ZSWIM1: variants seen among roughly 807,000 people sequenced by gnomAD.
The protein encoded by ZSWIM1 is zinc finger SWIM-type containing 1.
Under a neutral mutation model 29.3 loss-of-function variants are expected in ZSWIM1, and 22 were observed. The ratio of observed to expected loss-of-function variants is 0.75; its 90% CI spans 0.54 to 1.07. The LOEUF (loss-of-function observed/expected upper bound fraction) is 1.07. Ranked by LOEUF, ZSWIM1 falls within the 50% of genes least tolerant of loss-of-function variation. ZSWIM1 has a pLI of 0.00. For missense variants in ZSWIM1, 511 were observed against 596.2 expected (o/e 0.86, Z 1.49); for synonymous variants, 228 against 240.8 (o/e 0.95, Z 0.49).
intron 1 of ZSWIM1, among the ~76,000 whole-genome samples, chr20:45,881,738 C>T (rs1226253384): frequency 6.6e-6 from 1 of 152,158 alleles, no homozygotes; most frequent in Non-Finnish European, 1.5e-5. Context: ...CATTGACTTG[C>T]CCAAGATAAC....
Position 45,884,086 on chromosome 20 carries a change from GCACACTCACATCCACCCATACACA to G in ZSWIM1, c.*42_*65del, listed in dbSNP as rs1283210311. 6.4e-7 allele frequency: 1 copy of G among 1,570,786 alleles called. No homozygotes were observed. Among genetic ancestry groups the G allele is most frequent in the Non-Finnish European group, 8.6e-7 (1 of 1,157,712 alleles). On this transcript the variant is annotated 3_prime_UTR_variant, in exon 2 of 2. Coordinates refer to ENST00000372523, the MANE Select transcript of ZSWIM1 (RefSeq NM_080603.5). ...TGCCCAGAGATGCTCATGCACCTGTGCACACTCACATCCACCCATACACACACACACACACACACACACACACAC... is the reference window on the plus strand; with the variant it reads ...TGCCCAGAGATGCTCATGCACCTGTGCACACACACACACACACACACACAC...
rs1986401693 is a variant in ZSWIM1, at chr20:45,884,137, C to T, written c.*87C>T. The T allele has an allele frequency of 1.4e-6, 2 of 1,450,934 alleles. No individual in the cohort carries two copies. Among genetic ancestry groups the T allele is most frequent in the Non-Finnish European group, 1.9e-6 (2 of 1,072,186 alleles). 89.9% of individuals were successfully genotyped at this position (1,450,934 alleles called of 1,614,324 possible). On this transcript the variant is annotated 3_prime_UTR_variant, in exon 2 of 2. Transcript: ENST00000372523. ...ACACACACACACACACACACACACA[C>T]ACACACTCCCTTACACTGTTGTACT...
chr20:45,884,102 C>CCCTA lies in ZSWIM1; in HGVS notation c.*53_*54insCTAC. ...TGCACCTGTGCACACTCACATCCACCCATACACACACACACACACACACAC... is the reference window on the plus strand; with the variant it reads ...TGCACCTGTGCACACTCACATCCACCCCTACATACACACACACACACACACACAC... On this transcript the variant is annotated 3_prime_UTR_variant, in exon 2 of 2. Transcript: ENST00000372523. The CCCTA allele has an allele frequency of 7.8e-7, 1 of 1,274,438 alleles. No individual in the cohort carries two copies. Among genetic ancestry groups the CCCTA allele is most frequent in the Admixed American group, 1.9e-5 (1 of 51,520 alleles). 78.9% of individuals were successfully genotyped at this position (1,274,438 alleles called of 1,614,324 possible).
rs1986302367 is a variant in ZSWIM1 at position 45,882,650 on chromosome 20, C to T, written c.58C>T (p.Leu20Phe). ...TGCCCTGCAAAGAAAGTATTTTGAC[C>T]TTGGCATTTGGACAGCTCCCATCTC... ...SAALQRKYFDLGIWTAPISPM... is the reference protein window; with the variant it reads ...SAALQRKYFDFGIWTAPISPM... Residue 20 changes from leucine to phenylalanine, a missense_variant, in exon 2 of 2, where the codon CTT becomes TTT. Leu to Phe is a conservative substitution (Grantham distance 22, BLOSUM62 0). Transcript: ENST00000372523. The T allele has an allele frequency of 6.2e-7, 1 of 1,614,048 alleles. No homozygotes were observed.
Position 45,883,986 on chromosome 20 carries a change from G to T in ZSWIM1, c.1394G>T (p.Arg465Met). The change falls in exon 2 of 2, where the codon AGG (arginine) becomes ATG (methionine). Residue 465 changes from arginine to methionine, a missense_variant. Transcript: ENST00000372523. ...QHCTKEEFERRYSTLRELADS... is the reference protein window; with the variant it reads ...QHCTKEEFERMYSTLRELADS... Reference sequence around the variant, plus strand: ...TGCACCAAGGAGGAGTTTGAGCGGAGGTATAGCACCCTGCGGGAACTGGCC... The same window carrying T: ...TGCACCAAGGAGGAGTTTGAGCGGATGTATAGCACCCTGCGGGAACTGGCC... 5 of 1,614,146 alleles carry T rather than the reference G, an allele frequency of 3.1e-6. No homozygotes were observed. Among genetic ancestry groups the T allele is most frequent in the Non-Finnish European group, 4.2e-6 (5 of 1,180,012 alleles).
upstream of ZSWIM1, chr20:45,881,180 G>C (rs1219725497): frequency 6.6e-6 from 1 of 152,506 alleles, no homozygotes; most frequent in Non-Finnish European, 1.5e-5. Flanking sequence ...CGATGCTGAC[G>C]CTGTGGTTGG....
At position 45,883,175 on chromosome 20, in the gene ZSWIM1, C is replaced by T; in HGVS notation, c.583C>T (p.Leu195=). The T allele has an allele frequency of 1.2e-6, 2 of 1,614,042 alleles. No homozygotes were observed. Among genetic ancestry groups the T allele is most frequent in the African/African-American group, 2.7e-5 (2 of 75,062 alleles). Residue 195 remains leucine, a synonymous_variant, in exon 2 of 2, where the codon CTG becomes TTG. Coordinates refer to ENST00000372523, the MANE Select transcript of ZSWIM1 (RefSeq NM_080603.5). ...SLERPVERLL[L]TSLQSTMCSA... ...TGAACGGCCCGTGGAAAGGCTGCTC[C>T]TGACCTCCCTGCAGAGCACAATGTG...
chr20:45,882,907 G>T lies in ZSWIM1; in HGVS notation c.315G>T (p.Glu105Asp). ...TGGATGGACCTCGGGTGCAGCTGGAGGGTCATCTTGCCCGAGCAGTCTACT... is the reference window on the plus strand; with the variant it reads ...TGGATGGACCTCGGGTGCAGCTGGATGGTCATCTTGCCCGAGCAGTCTACT... ...FLVDGPRVQL[E>D]GHLARAVYFA... Residue 105 changes from glutamate (E) to aspartate (D), a missense_variant, in exon 2 of 2, where the codon GAG (glutamate) becomes GAT (aspartate). Transcript: ENST00000372523. 6.2e-7 allele frequency: 1 copy of T among 1,614,182 alleles called. No individual in the cohort carries two copies. Among genetic ancestry groups the T allele is most frequent in the Non-Finnish European group, 8.5e-7 (1 of 1,180,024 alleles).
rs1568754256 is a variant in ZSWIM1 at position 45,883,912 on chromosome 20, C to T, written c.1320C>T (p.His440=). 1.2e-6 allele frequency: 2 copies of T among 1,614,144 alleles called. No homozygotes were observed. The highest frequency in any genetic ancestry group is 1.7e-5 in the Admixed American group (1 of 60,018). The change falls in exon 2 of 2, where the codon CAC becomes CAT. Residue 440 remains histidine, a synonymous_variant. Transcript: ENST00000372523. ...GSKWSETLDK[H]LAVTHLTEEV... The stretch of plus-strand genomic sequence containing the variant: ...AGTGGAGTGAGACCCTGGATAAGCA[C>T]CTGGCAGTGACTCACCTCACCGAGG...
chr20:45,883,316 G>T lies in ZSWIM1; in HGVS notation c.724G>T (p.Ala242Ser), dbSNP rs1450136898. ...GCTGCTCAACGACCGCATCTGGCTGGCTCACCGCTGGAGAAGCCGAGCTGA... is the reference window on the plus strand; with the variant it reads ...GCTGCTCAACGACCGCATCTGGCTGTCTCACCGCTGGAGAAGCCGAGCTGA... ...HWLLNDRIWL[A>S]HRWRSRAESS... Residue 242 changes from alanine (A) to serine (S), a missense_variant, in exon 2 of 2, where the codon GCT becomes TCT. Transcript: ENST00000372523. 5 of 1,613,998 alleles carry T rather than the reference G, an allele frequency of 3.1e-6. No individual in the cohort carries two copies. Among genetic ancestry groups the T allele is most frequent in the Non-Finnish European group, 4.2e-6 (5 of 1,180,042 alleles).
Position 45,884,357 on chromosome 20 carries a change from CTTTTTTTTTTTTTT to C in ZSWIM1, c.*317_*330del. 1 of 92,428 alleles carries C rather than the reference CTTTTTTTTTTTTTT, an allele frequency of 1.1e-5. No individual in the cohort carries two copies. Among genetic ancestry groups the C allele is most frequent in the South Asian group, 3.9e-4 (1 of 2,590 alleles). 5.7% of individuals were successfully genotyped at this position (92,428 alleles called of 1,614,324 possible). The stretch of plus-strand genomic sequence containing the variant: ...TTGGTTTTGTTTTAATATTTTTTTT[CTTTTTTTTTTTTTT>C]TTTTTTTTTGAGAAGGAGTCTGTCT... On this transcript the variant is annotated 3_prime_UTR_variant, in exon 2 of 2. Transcript: ENST00000372523.
rs750505217 is a variant in ZSWIM1 at position 45,884,357 on chromosome 20, C to CTTTTTTTTTTTTTT, written c.*317_*330dup. On this transcript the variant is annotated 3_prime_UTR_variant, in exon 2 of 2. Transcript: ENST00000372523. ...TTGGTTTTGTTTTAATATTTTTTTTCTTTTTTTTTTTTTTTTTTTTTTTGA... is the reference window on the plus strand; with the variant it reads ...TTGGTTTTGTTTTAATATTTTTTTTCTTTTTTTTTTTTTTTTTTTTTTTTTTTTTTTTTTTTTGA... The CTTTTTTTTTTTTTT allele has an allele frequency of 1.1e-5, 1 of 92,432 alleles. No individual in the cohort carries two copies. The highest frequency in any genetic ancestry group is 4.6e-5 in the African/African-American group (1 of 21,620). 5.7% of individuals were successfully genotyped at this position (92,432 alleles called of 1,614,324 possible). A position where few individuals can be genotyped will look rare whatever the true frequency, so the allele number is the denominator to read the frequency against.
At chr20:45,881,914 C>G (rs946137452) in intron 1 of ZSWIM1, among the ~76,000 whole-genome samples, 1 of 152,212 alleles carries the variant, frequency 6.6e-6, no homozygotes, top group Non-Finnish European at 1.5e-5. Context: ...GTGGCGCAAT[C>G]TCGGCTCACT....
In ZSWIM1 at chr20:45,883,639, C is replaced by G. The variant is rs138154446; in HGVS notation, c.1047C>G (p.Val349=). 3.2e-4 allele frequency: 522 copies of G among 1,614,050 alleles called. No homozygotes were observed. Among genetic ancestry groups the G allele is most frequent in the Non-Finnish European group, 4.2e-4 (500 of 1,180,044 alleles). Residue 349 remains valine (V), a synonymous_variant, in exon 2 of 2, where the codon GTC becomes GTG. Coordinates refer to ENST00000372523, the MANE Select transcript of ZSWIM1 (RefSeq NM_080603.5). Reference sequence around the variant, plus strand: ...TGTGCCTGGGCGAGCTTGCTGTGGTCCAGAAATCCACACACCTCATTGGCT... The same window carrying G: ...TGTGCCTGGGCGAGCTTGCTGTGGTGCAGAAATCCACACACCTCATTGGCT... ...AQLCLGELAV[V]QKSTHLIGSG...
chr20:45,881,858 AT>A, intron 1 of ZSWIM1, among the ~76,000 whole-genome samples: 1 of 152,188 alleles, frequency 6.6e-6, no homozygotes, highest in East Asian at 1.9e-4. Flanking sequence ...ATTTTATTTT[AT>A]TTTTTGAGAC....
chr20:45,883,311 G>C lies in ZSWIM1; in HGVS notation c.719G>C (p.Trp240Ser). 6.2e-7 allele frequency: 1 copy of C among 1,614,082 alleles called. No individual in the cohort carries two copies. The highest frequency in any genetic ancestry group is 8.5e-7 in the Non-Finnish European group (1 of 1,180,044). Residue 240 changes from tryptophan (W) to serine (S), a missense_variant, in exon 2 of 2, where the codon TGG becomes TCG. Transcript: ENST00000372523. ...HSHWLLNDRI[W>S]LAHRWRSRAE... ...CACTGGCTGCTCAACGACCGCATCTGGCTGGCTCACCGCTGGAGAAGCCGA... is the reference window on the plus strand; with the variant it reads ...CACTGGCTGCTCAACGACCGCATCTCGCTGGCTCACCGCTGGAGAAGCCGA...
At position 45,882,851 on chromosome 20, in the gene ZSWIM1, C is replaced by G; in HGVS notation, c.259C>G (p.Pro87Ala). 6.2e-7 allele frequency: 1 copy of G among 1,614,212 alleles called. No individual in the cohort carries two copies. The highest frequency in any genetic ancestry group is 8.5e-7 in the Non-Finnish European group (1 of 1,180,046). ...EILFIHRTYNPRGKVLYTFLV... is the reference protein window; with the variant it reads ...EILFIHRTYNARGKVLYTFLV... ...CTTATTTATCCACCGGACCTATAAC[C>G]CAAGGGGTAAGGTCTTATATACCTT... Residue 87 changes from proline (P) to alanine (A), a missense_variant, in exon 2 of 2, where the codon CCA (proline) becomes GCA (alanine). By Grantham distance (27) the Pro-to-Ala change is conservative. Coordinates refer to ENST00000372523, the MANE Select transcript of ZSWIM1 (RefSeq NM_080603.5).
chr20:45,881,551 C>A (rs1200889898), intron 1 of ZSWIM1, among the ~76,000 whole-genome samples: 1 of 152,220 alleles, frequency 6.6e-6, no homozygotes. Flanking sequence ...CACTTAGCTT[C>A]TTTGAGCCTT....
At position 45,882,550 on chromosome 20, in the gene ZSWIM1, A is replaced by G; in HGVS notation, c.-43A>G. Reference sequence around the variant, plus strand: ...CTCCATAGGCCCATCTTTGGAAAAAAGATCTGGGAATGATTGTCTAGCCTC... The same window carrying G: ...CTCCATAGGCCCATCTTTGGAAAAAGGATCTGGGAATGATTGTCTAGCCTC... On this transcript the variant is annotated 5_prime_UTR_variant, in exon 2 of 2. Transcript: ENST00000372523. 6.4e-7 allele frequency: 1 copy of G among 1,570,362 alleles called. No homozygotes were observed. The highest frequency in any genetic ancestry group is 8.6e-7 in the Non-Finnish European group (1 of 1,159,862).
Sources: allele counts gnomAD v4.1 joint callset (sites outside exome capture counted in the v4.1 genomes callset), GRCh38; gene constraint gnomAD v4.1.1; transcripts MANE v1.5; gene names NCBI Gene and HGNC (gene_info 2026-07-23, HGNC 2026-07-21).